Variants in SLC24A3 observed in about 807,000 individuals in gnomAD.
SLC24A3 encodes the protein sodium/potassium/calcium exchanger 3.
A neutral mutation model predicts 75.8 loss-of-function variants in SLC24A3; 28 were observed. The observed-to-expected ratio is 0.37, with a 90% CI of 0.27 to 0.51. The LOEUF (loss-of-function observed/expected upper bound fraction) is 0.51. Among genes scored for constraint, SLC24A3 ranks in the 20% least tolerant of loss-of-function variants. The pLI, the probability that SLC24A3 is intolerant of heterozygous loss-of-function variation, is 0.94. For missense variants in SLC24A3, 663 were observed against 847.8 expected, an observed-to-expected ratio of 0.78 and a Z score of 2.71; for synonymous variants, 372 against 334.1, an observed-to-expected ratio of 1.11 and a Z score of -1.24.
chr20:19,578,735 A>C (rs1400227185), intron 3 of SLC24A3, among the ~76,000 whole-genome samples: 1 of 152,168 alleles, frequency 6.6e-6, no homozygotes, highest in Non-Finnish European at 1.5e-5. Flanking sequence ...AACCACACCT[A>C]TTAGATGCTT....
At chr20:19,629,213 T>C (rs189265207) in intron 6 of SLC24A3, among the ~76,000 whole-genome samples, 17 of 151,288 alleles carry the variant, frequency 1.1e-4, no homozygotes, top group African/African-American at 1.5e-4. Flanking sequence ...AAAGAAACTA[T>C]AAAAAAGAAC....
intron 9 of SLC24A3, 102 bp downstream of exon 9, chr20:19,673,756 A>C: frequency 1.1e-6 from 1 of 923,368 alleles, no homozygotes; most frequent in East Asian, 2.5e-5. Flanking sequence ...CTGGTTTTTC[A>C]GTGTGTATCA....
chr20:19,663,356 G>A (rs1235943682), intron 7 of SLC24A3, among the ~76,000 whole-genome samples: 1 of 97,022 alleles, frequency 1.0e-5, no homozygotes, highest in African/African-American at 3.4e-5. Flanking sequence ...AATGATATTT[G>A]CCATCAGCCA....
rs562884566 is a variant in SLC24A3 at position 19,415,726 on chromosome 20, G to A, written c.272-99762G>A. Among the ~76,000 whole-genome samples, 11 of 151,964 alleles carry A rather than the reference G, an allele frequency of 7.2e-5. No individual in the cohort carries two copies. In the South Asian group the frequency reaches 2.1e-3, roughly 29 times the overall value. On this transcript the variant is annotated intron_variant, in intron 2 of 16. Coordinates refer to ENST00000328041, the MANE Select transcript of SLC24A3 (RefSeq NM_020689.4). ...GTGAGGTATTGTTCAAAATTAGCAT[G>A]CATTTCAGAGAATTTGTTCTGTCAA...
chr20:19,673,426 G>A (rs1035820386), intron 8 of SLC24A3, among the ~76,000 whole-genome samples, 175 bp from the exon 9 acceptor site: 1 of 152,334 alleles, frequency 6.6e-6, no homozygotes, highest in Non-Finnish European at 1.5e-5. Flanking sequence ...AAAGATGGTT[G>A]ACAGCCTTAT....
chr20:19,576,962 C>A (rs2031144819), intron 3 of SLC24A3, among the ~76,000 whole-genome samples: 1 of 152,096 alleles, frequency 6.6e-6, no homozygotes, highest in Non-Finnish European at 1.5e-5. Context: ...AGTCATACAG[C>A]AAAAGAGGGT....
chr20:19,406,969 T>C (rs1986657660), intron 2 of SLC24A3, among the ~76,000 whole-genome samples: 1 of 152,180 alleles, frequency 6.6e-6, no homozygotes, highest in East Asian at 1.9e-4. Context: ...CAGGTGTCTG[T>C]GACTAGCACA....
At chr20:19,359,345 C>T (rs879429676) in intron 2 of SLC24A3, among the ~76,000 whole-genome samples, 10 of 152,156 alleles carry the variant, frequency 6.6e-5, no homozygotes, top group Non-Finnish European at 1.2e-4. Context: ...CCAGAGATTC[C>T]AGGAAATATT....
At chr20:19,441,264 G>A (rs1203324434) in intron 2 of SLC24A3, among the ~76,000 whole-genome samples, 3 of 152,138 alleles carry the variant, frequency 2.0e-5, no homozygotes, top group South Asian at 4.1e-4. Flanking sequence ...TTGGACCCCG[G>A]CATCCCACCT....
At chr20:19,501,834 G>A (rs1988388929) in intron 2 of SLC24A3, among the ~76,000 whole-genome samples, 1 of 152,046 alleles carries the variant, frequency 6.6e-6, no homozygotes, top group South Asian at 2.1e-4. Context: ...TCACCTCCCA[G>A]GCTTTCCATC....
intron 2 of SLC24A3, among the ~76,000 whole-genome samples, chr20:19,382,211 G>A (rs1272515020): frequency 6.6e-6 from 1 of 152,124 alleles, no homozygotes; most frequent in African/African-American, 2.4e-5. Flanking sequence ...TCATATGCCA[G>A]GGCCTACAAA....
chr20:19,221,733 C>T (rs1320618644), intron 1 of SLC24A3, among the ~76,000 whole-genome samples: 4 of 152,102 alleles, frequency 2.6e-5, no homozygotes, highest in African/African-American at 9.7e-5. Context: ...AGCCTGTATC[C>T]ACCCCCCGCC....
At chr20:19,477,864 A>G (rs1987987492) in intron 2 of SLC24A3, among the ~76,000 whole-genome samples, 1 of 152,210 alleles carries the variant, frequency 6.6e-6, no homozygotes, top group Non-Finnish European at 1.5e-5. Flanking sequence ...AAGGAACAAA[A>G]TGGCTACTAT....
chr20:19,265,733 C>G (rs1278799343), intron 1 of SLC24A3: 1 of 152,686 alleles, frequency 6.5e-6, no homozygotes, highest in East Asian at 1.9e-4. Context: ...CTGTACTCAC[C>G]TTTATGTGCC....
At chr20:19,493,723 G>A (rs528088943) in intron 2 of SLC24A3, among the ~76,000 whole-genome samples, 54 of 152,202 alleles carry the variant, frequency 3.5e-4, no homozygotes, top group African/African-American at 1.2e-3. Context: ...TAGTTGGGGG[G>A]ATCAGTTAGG....
intron 2 of SLC24A3, among the ~76,000 whole-genome samples, chr20:19,457,310 C>T (rs1987595075): frequency 6.6e-6 from 1 of 152,108 alleles, no homozygotes; most frequent in African/African-American, 2.4e-5. Context: ...AATCATGTTA[C>T]CACCCTGAGC....
intron 16 of SLC24A3, among the ~76,000 whole-genome samples, chr20:19,718,522 C>T (rs544943500): frequency 5.9e-5 from 9 of 152,256 alleles, no homozygotes; most frequent in East Asian, 5.8e-4. Context: ...TACAAATGAG[C>T]GACTGAGGCC....
At chr20:19,719,549 G>A (rs539036978) in intron 16 of SLC24A3, among the ~76,000 whole-genome samples, 20 of 152,040 alleles carry the variant, frequency 1.3e-4, no homozygotes, top group South Asian at 2.1e-4. Context: ...ACGGGGAAGT[G>A]AGTGTCGGAG....
intron 6 of SLC24A3, among the ~76,000 whole-genome samples, chr20:19,637,393 G>A (rs1570020): frequency 0.047 from 7,225 of 152,324 alleles, 256 homozygotes; most frequent in African/African-American, 0.096. Context: ...TTGATATGGT[G>A]ATGACCAAAA....
Sources: gnomAD v4.1 joint callset for allele counts (sites outside exome capture counted in the v4.1 genomes callset) on GRCh38, gnomAD v4.1.1 for gene constraint, MANE v1.5 for transcripts, NCBI Gene and HGNC (gene_info 2026-07-23, HGNC 2026-07-21) for gene names.